IL1RAPL1: variants seen among roughly 807,000 people sequenced by gnomAD.
IL1RAPL1 encodes the protein interleukin 1 receptor accessory protein like 1.
IL1RAPL1 carries 3 observed loss-of-function variants against 48.4 expected under a neutral mutation model. The ratio of observed to expected loss-of-function variants is 0.06; its 90% CI spans 0.03 to 0.16. The LOEUF (loss-of-function observed/expected upper bound fraction) is 0.16. Among genes scored for constraint, IL1RAPL1 ranks in the 10% least tolerant of loss-of-function variants. The pLI is 1.00. For missense variants in IL1RAPL1, 349 were observed against 530.6 expected, an observed-to-expected ratio of 0.66 and a Z score of 3.36; for synonymous variants, 185 against 187.7, an observed-to-expected ratio of 0.99 and a Z score of 0.12.
intron 1 of IL1RAPL1, among the ~76,000 whole-genome samples, chrX:28,734,548 CATT>C (rs80334432): frequency 2.0e-5 from 1 of 50,569 alleles, no homozygotes; most frequent in Non-Finnish European, 3.1e-5. Flanking sequence ...ACCAAAGTGT[CATT>C]TTTTTTTTTT....
chrX:29,401,118 C>T (rs1225254537), intron 5 of IL1RAPL1, among the ~76,000 whole-genome samples: 1 of 111,631 alleles, frequency 9.0e-6, no homozygotes, highest in Non-Finnish European at 1.9e-5. Flanking sequence ...CCAGGGCAAC[C>T]GTACTTTCCT....
intron 5 of IL1RAPL1, among the ~76,000 whole-genome samples, chrX:29,647,899 A>G (rs1203527696): frequency 8.9e-6 from 1 of 111,934 alleles, no homozygotes; most frequent in African/African-American, 3.2e-5. Flanking sequence ...TATGGTACCT[A>G]TAAAAAAATT....
intron 3 of IL1RAPL1, among the ~76,000 whole-genome samples, chrX:29,330,439 C>T (rs745485864): frequency 2.2e-3 from 243 of 111,474 alleles, no homozygotes; most frequent in African/African-American, 7.7e-3. Flanking sequence ...GCGTGGCAGG[C>T]GGCGTCTTTA....
At chrX:29,263,418 T>A (rs1238694405) in intron 2 of IL1RAPL1, among the ~76,000 whole-genome samples, 1 of 112,163 alleles carries the variant, frequency 8.9e-6, no homozygotes, top group Non-Finnish European at 1.9e-5. Flanking sequence ...GTGTCAGTTG[T>A]TTTAACATAA....
At chrX:28,849,981 C>T (rs1415131456) in intron 2 of IL1RAPL1, among the ~76,000 whole-genome samples, 1 of 111,962 alleles carries the variant, frequency 8.9e-6, no homozygotes, top group Non-Finnish European at 1.9e-5. Context: ...AAGGTAGTTA[C>T]TGTCTGCAAG....
intron 5 of IL1RAPL1, among the ~76,000 whole-genome samples, chrX:29,433,306 A>T (rs1161470653): frequency 4.5e-5 from 5 of 111,149 alleles, no homozygotes; most frequent in Non-Finnish European, 9.5e-5. Flanking sequence ...ATGTGCTTTT[A>T]AAATTTGTTT....
intron 1 of IL1RAPL1, 32 bp from the exon 2 acceptor site, chrX:28,789,288 T>C: frequency 1.2e-6 from 1 of 839,252 alleles, no homozygotes; most frequent in Non-Finnish European, 1.8e-6. Context: ...TTAAAACATG[T>C]ATGTTTTTCT....
intron 2 of IL1RAPL1, among the ~76,000 whole-genome samples, chrX:28,803,072 G>A (rs556979091): frequency 2.7e-5 from 3 of 111,095 alleles, no homozygotes; most frequent in Admixed American, 1.9e-4. Flanking sequence ...TAAAAATATC[G>A]TATTTTTATG....
chrX:29,817,187 A>T (rs753535204), intron 6 of IL1RAPL1, among the ~76,000 whole-genome samples: 1 of 111,698 alleles, frequency 9.0e-6, no homozygotes, highest in Non-Finnish European at 1.9e-5. Flanking sequence ...CTTTTGTACA[A>T]TAGCTTTTGA....
chrX:29,060,024 A>G (rs184865249), intron 2 of IL1RAPL1, among the ~76,000 whole-genome samples: 268 of 111,968 alleles, frequency 2.4e-3, no homozygotes, highest in African/African-American at 8.3e-3. Flanking sequence ...CAAAAACACT[A>G]GGATACTTTC....
intron 5 of IL1RAPL1, among the ~76,000 whole-genome samples, chrX:29,565,671 A>G (rs1922378050): frequency 8.9e-6 from 1 of 112,087 alleles, no homozygotes; most frequent in South Asian, 3.6e-4. Flanking sequence ...ACAATTTTGC[A>G]TATTGATTAA....
intron 1 of IL1RAPL1, among the ~76,000 whole-genome samples, chrX:28,698,080 C>T (rs777752582): frequency 1.8e-5 from 2 of 111,337 alleles, no homozygotes; most frequent in East Asian, 2.8e-4. Flanking sequence ...AAGCTCATAG[C>T]TGAGAGAGAA....
rs181584670 is a variant in IL1RAPL1, at chrX:29,054,029, G to C, written c.83-228909G>C. The stretch of plus-strand genomic sequence containing the variant: ...TGGATAGTAGTAGTTCATTATGTAT[G>C]TATACCACATTTGTTATTCATTCAT... On this transcript the variant is annotated intron_variant, in intron 2 of 10. Transcript: ENST00000378993. Among the ~76,000 whole-genome samples the C allele has an allele frequency of 1.1e-4, 12 of 111,428 alleles. No individual in the cohort carries two copies. The East Asian group carries it at 3.1e-3, about 29-fold the overall frequency.
chrX:29,543,376 T>C (rs1921506265), intron 5 of IL1RAPL1, among the ~76,000 whole-genome samples: 1 of 110,298 alleles, frequency 9.1e-6, no homozygotes, highest in Admixed American at 9.8e-5. Context: ...TGAAAGAAGG[T>C]ATCCCATCTT....
At chrX:28,652,269 C>T (rs1211169396) in intron 1 of IL1RAPL1, among the ~76,000 whole-genome samples, 7 of 110,954 alleles carry the variant, frequency 6.3e-5, no homozygotes, top group Non-Finnish European at 1.3e-4. Context: ...GTAAAATCCT[C>T]GCGGATAGGA....
chrX:29,486,856 C>T (rs1487855345), intron 5 of IL1RAPL1, among the ~76,000 whole-genome samples: 1 of 111,004 alleles, frequency 9.0e-6, no homozygotes, highest in African/African-American at 3.3e-5. Flanking sequence ...GATGATAGTT[C>T]TGAAACTCCA....
In IL1RAPL1 at chrX:29,955,600, A is replaced by G. The variant is rs1933403002; in HGVS notation, c.1871A>G (p.Tyr624Cys). 5 of 1,204,507 alleles carry G rather than the reference A, an allele frequency of 4.2e-6. No homozygotes were observed. The African/African-American group carries it at 5.3e-5, about 13-fold the overall frequency. The change falls in exon 11 of 11, where the codon TAC becomes TGC. Residue 624 changes from tyrosine (Y) to cysteine (C), a missense_variant. By Grantham distance (194) the Tyr-to-Cys change is radical (BLOSUM62 -2). Around this residue, in one of 3 missense-constraint regions of IL1RAPL1, gnomAD observed 65 missense variants for 79.6 expected, o/e 0.82. Coordinates refer to ENST00000378993, the MANE Select transcript of IL1RAPL1 (RefSeq NM_014271.4). The stretch of plus-strand genomic sequence containing the variant: ...CATTCACAAATGCGTCAGAAACACT[A>G]CTACCGAAGCTATGAGTACGACGTA... ...TYHSQMRQKHYYRSYEYDVPP... is the reference protein window; with the variant it reads ...TYHSQMRQKHCYRSYEYDVPP...
intron 2 of IL1RAPL1, among the ~76,000 whole-genome samples, chrX:29,111,925 C>CTTTTTTTTT (rs34885583): frequency 1.0e-4 from 6 of 59,760 alleles, no homozygotes; most frequent in African/African-American, 1.8e-4. Context: ...TTTCACTTTT[C>CTTTTTTTTT]TTTTTTTTTT....
intron 2 of IL1RAPL1, among the ~76,000 whole-genome samples, chrX:29,118,677 G>A (rs1928723010): frequency 1.8e-5 from 2 of 111,248 alleles, no homozygotes; most frequent in Non-Finnish European, 3.8e-5. Context: ...AACAAGCTAG[G>A]CACCAGTTTA....
Sources: gnomAD v4.1 joint callset for allele counts (sites outside exome capture counted in the v4.1 genomes callset) on GRCh38, gnomAD v4.1.1 for gene constraint, gnomAD v4.1.1 regional missense constraint, MANE v1.5 for transcripts, NCBI Gene and HGNC (gene_info 2026-07-23, HGNC 2026-07-21) for gene names.